The following FHOD3 variants were observed in gnomAD, a reference collection of about 807,000 sequenced individuals.
FHOD3 encodes formin homology 2 domain containing 3.
Under a neutral mutation model 173.0 loss-of-function variants are expected in FHOD3, and 90 were observed. The ratio of observed to expected loss-of-function variants is 0.52; its 90% CI spans 0.44 to 0.62. The LOEUF (loss-of-function observed/expected upper bound fraction) is 0.62. FHOD3 is among the 20% of genes least tolerant of loss of function. The pLI, the probability that FHOD3 is intolerant of heterozygous loss-of-function variation, is 0.00. For synonymous variants in FHOD3, 828 were observed against 823.0 expected, an observed-to-expected ratio of 1.01 and a Z score of -0.10; for missense variants, 1,945 against 2,034.7, an observed-to-expected ratio of 0.96 and a Z score of 0.85.
chr18:36,666,217 C>A (rs1046207419), intron 14 of FHOD3, among the ~76,000 whole-genome samples: 1 of 152,226 alleles, frequency 6.6e-6, no homozygotes, highest in Non-Finnish European at 1.5e-5. Context: ...GTGTGTGCAA[C>A]AGGCTGGAGA....
At chr18:36,299,743 C>T (rs971306782) in intron 1 of FHOD3, among the ~76,000 whole-genome samples, 19 of 152,152 alleles carry the variant, frequency 1.2e-4, no homozygotes. Flanking sequence ...TCTAAGGTGT[C>T]CCTTATGGAA....
At chr18:36,498,811 A>G (rs547408778) in intron 3 of FHOD3, among the ~76,000 whole-genome samples, 69 of 152,356 alleles carry the variant, frequency 4.5e-4, no homozygotes, top group Non-Finnish European at 7.5e-4. Flanking sequence ...TCAACAAAAT[A>G]TTAGCAGTCA....
At position 36,744,067 on chromosome 18, in the gene FHOD3, T is replaced by C; in HGVS notation, c.3915T>C (p.Val1305=). ...KAFELSYLEK[V]PEVKDTVHKQ... ...TTGAGTTAAGCTACCTCGAGAAGGT[T>C]CCAGAAGTCAAAGACACAGTGCACA... Residue 1305 remains valine, a synonymous_variant, in exon 23 of 29, where the codon GTT becomes GTC. Coordinates refer to ENST00000590592, the MANE Select transcript of FHOD3 (RefSeq NM_001281740.3). The C allele has an allele frequency of 6.2e-7, 1 of 1,614,176 alleles. No individual in the cohort carries two copies. Among genetic ancestry groups the C allele is most frequent in the Non-Finnish European group, 8.5e-7 (1 of 1,180,050 alleles).
chr18:36,439,521 A>ATGTG (rs33931333), intron 3 of FHOD3, among the ~76,000 whole-genome samples: 1,771 of 144,698 alleles, frequency 0.012, 19 homozygotes, highest in East Asian at 0.028. Context: ...AACCAATAGA[A>ATGTG]TGTGTGTGTG....
At chr18:36,407,515 A>G (rs11081948) in intron 3 of FHOD3, among the ~76,000 whole-genome samples, 34,437 of 152,190 alleles carry the variant, frequency 0.23, 4,428 homozygotes, top group East Asian at 0.67. Flanking sequence ...CAGGCTTGCA[A>G]AATAGGTGTC....
At chr18:36,355,958 G>T (rs1470355687) in intron 2 of FHOD3, among the ~76,000 whole-genome samples, 2 of 152,178 alleles carry the variant, frequency 1.3e-5, no homozygotes, top group Non-Finnish European at 2.9e-5. Flanking sequence ...CCAGCCAGCT[G>T]TGGTGGCTCA....
At position 36,608,915 on chromosome 18, in the gene FHOD3, T is replaced by G. The variant is rs183719186; in HGVS notation, c.814-3037T>G. On this transcript the variant is annotated intron_variant, in intron 8 of 28. Coordinates refer to ENST00000590592, the MANE Select transcript of FHOD3 (RefSeq NM_001281740.3). ...TTACCCATTCACCTGTTGAAGGAGA[T>G]TTGTGTGTTTATAGCTTTTGGCTTC... Among the ~76,000 whole-genome samples, 4 of 152,312 alleles carry G rather than the reference T, an allele frequency of 2.6e-5. No individual in the cohort carries two copies. The East Asian group carries it at 7.7e-4, about 29-fold the overall frequency.
intron 19 of FHOD3, among the ~76,000 whole-genome samples, chr18:36,722,981 C>T (rs368453294): frequency 6.6e-6 from 1 of 151,926 alleles, no homozygotes; most frequent in Non-Finnish European, 1.5e-5. Context: ...AAACTCTGAA[C>T]ACAGCTCTGG....
chr18:36,656,223 T>G (rs1440842309), intron 13 of FHOD3, among the ~76,000 whole-genome samples: 1 of 152,170 alleles, frequency 6.6e-6, no homozygotes, highest in Non-Finnish European at 1.5e-5. Context: ...CCTTTGTAGG[T>G]TCCTTTCATC....
At chr18:36,739,997 A>G (rs1267588468) in intron 20 of FHOD3, among the ~76,000 whole-genome samples, 1 of 152,226 alleles carries the variant, frequency 6.6e-6, no homozygotes, top group Non-Finnish European at 1.5e-5. Context: ...TAGTAGGAGT[A>G]GACATGAGAA....
At chr18:36,556,933 C>T (rs930281592) in intron 5 of FHOD3, among the ~76,000 whole-genome samples, 1 of 152,154 alleles carries the variant, frequency 6.6e-6, no homozygotes, top group African/African-American at 2.4e-5. Flanking sequence ...AATATTTTTT[C>T]ACCTGGTATA....
Position 36,625,417 on chromosome 18 carries a change from T to A in FHOD3, c.958-94T>A, listed in dbSNP as rs2034022940. The A allele has an allele frequency of 1.5e-5, 17 of 1,147,042 alleles. No homozygotes were observed. In the South Asian group the frequency reaches 5.4e-4, roughly 36 times the overall value. The allele number at this position is 1,147,042 out of a possible 1,614,324, so 71.1% of individuals were successfully genotyped here. ...CAGTTTGCGAAGACAGAGTTAAAAATCCCTATTAGGGCAATCCTGAAATGC... is the reference window on the plus strand; with the variant it reads ...CAGTTTGCGAAGACAGAGTTAAAAAACCCTATTAGGGCAATCCTGAAATGC... On this transcript the variant is annotated intron_variant, in intron 9 of 28. Coordinates refer to ENST00000590592, the MANE Select transcript of FHOD3 (RefSeq NM_001281740.3).
At chr18:36,676,155 G>A (rs1397575620) in intron 14 of FHOD3, among the ~76,000 whole-genome samples, 1 of 152,102 alleles carries the variant, frequency 6.6e-6, no homozygotes, top group African/African-American at 2.4e-5. Flanking sequence ...TTCTTCCCCA[G>A]AGATGATCAC....
At chr18:36,388,846 A>C (rs762409996) in intron 3 of FHOD3, among the ~76,000 whole-genome samples, 1 of 152,154 alleles carries the variant, frequency 6.6e-6, no homozygotes, top group Admixed American at 6.5e-5. Flanking sequence ...CATTTTGCCT[A>C]TAAATGTGGT....
intron 10 of FHOD3, among the ~76,000 whole-genome samples, chr18:36,635,278 G>A (rs545876694): frequency 6.6e-6 from 1 of 152,354 alleles, no homozygotes; most frequent in South Asian, 2.1e-4. Context: ...TTGCAAATTT[G>A]TTGTGGGTTT....
chr18:36,535,815 G>T (rs1027543433), intron 5 of FHOD3, among the ~76,000 whole-genome samples: 1 of 151,922 alleles, frequency 6.6e-6, no homozygotes, highest in African/African-American at 2.4e-5. Context: ...AACTTATGTT[G>T]GAGGTTAGCA....
chr18:36,722,670 T>C (rs757649846), intron 19 of FHOD3, among the ~76,000 whole-genome samples: 27 of 152,264 alleles, frequency 1.8e-4, no homozygotes, highest in Admixed American at 7.8e-4. Flanking sequence ...AGTGGCACAA[T>C]GATAGCTCAC....
At chr18:36,425,354 A>G (rs1187850989) in intron 3 of FHOD3, among the ~76,000 whole-genome samples, 6 of 152,198 alleles carry the variant, frequency 3.9e-5, no homozygotes, top group African/African-American at 1.4e-4. Flanking sequence ...AGGGACCGCT[A>G]TATTATAGTT....
chr18:36,482,413 A>G (rs2053948436), intron 3 of FHOD3, among the ~76,000 whole-genome samples: 1 of 151,998 alleles, frequency 6.6e-6, no homozygotes, highest in Non-Finnish European at 1.5e-5. Context: ...TCAGGGTTAT[A>G]TGAGGACAAG....
Sources: gnomAD v4.1 joint callset for allele counts (sites outside exome capture counted in the v4.1 genomes callset) on GRCh38, gnomAD v4.1.1 for gene constraint, MANE v1.5 for transcripts, NCBI Gene and HGNC (gene_info 2026-07-23, HGNC 2026-07-21) for gene names.